The following GAREM1 variants were observed in gnomAD, a reference collection of about 807,000 sequenced individuals.
GAREM1 encodes the protein GRB2-associated and regulator of MAPK protein 1.
Under a neutral mutation model 71.3 loss-of-function variants are expected in GAREM1, and 26 were observed. The observed-to-expected ratio is 0.36, with a 90% CI of 0.27 to 0.51. The LOEUF (loss-of-function observed/expected upper bound fraction) is 0.51, where lower values mean the gene tolerates loss of function less well. Among genes scored for constraint, GAREM1 ranks in the 20% least tolerant of loss-of-function variants. The pLI is 0.95. For missense variants in GAREM1, 1,026 were observed against 1,103.1 expected (o/e 0.93, Z 0.99); for synonymous variants, 440 against 433.2 (o/e 1.02, Z -0.20).
In GAREM1 at chr18:32,466,713, C is replaced by T. The variant is rs74320674; in HGVS notation, c.121+3595G>A. Among the ~76,000 whole-genome samples, 1,164 of 152,272 alleles carry T rather than the reference C, an allele frequency of 7.6e-3. 35 individuals are homozygous for T. The highest frequency in any genetic ancestry group is 0.06 in the East Asian group (310 of 5,176). On this transcript the variant is annotated intron_variant, in intron 1 of 5. Coordinates refer to ENST00000269209, the MANE Select transcript of GAREM1 (RefSeq NM_001242409.2). ...GGATTAGTATTTTCTCCATCCTCTCCTTGGTCCTAAGCACATTTGCTGAAC... is the reference window on the plus strand; with the variant it reads ...GGATTAGTATTTTCTCCATCCTCTCTTTGGTCCTAAGCACATTTGCTGAAC...
In GAREM1 at chr18:32,265,420, C is replaced by G. The variant is rs1290790306; in HGVS notation, c.*2451G>C. The G allele has an allele frequency of 6.6e-6, 1 of 152,158 alleles. No homozygotes were observed. The highest frequency in any genetic ancestry group is 2.4e-5 in the African/African-American group (1 of 41,430). The allele number at this position is 152,158 out of a possible 1,614,324, so 9.4% of individuals were successfully genotyped here. The stretch of plus-strand genomic sequence containing the variant: ...CAGGACACACGTAATTCTCCATATA[C>G]CCAGCTGCCCATAGGACTTCACGTC... On this transcript the variant is annotated 3_prime_UTR_variant, in exon 6 of 6. Transcript: ENST00000269209.
chr18:32,307,807 G>C (rs1158913590), intron 3 of GAREM1, among the ~76,000 whole-genome samples: 2 of 152,214 alleles, frequency 1.3e-5, no homozygotes, highest in African/African-American at 4.8e-5. Context: ...ACAGGTGTGA[G>C]CCACTGTGCC....
In GAREM1 at chr18:32,299,330, T is replaced by C. The variant is rs199939833; in HGVS notation, c.393+10863A>G. Among the ~76,000 whole-genome samples the C allele has an allele frequency of 1.9e-3, 295 of 151,910 alleles. 10 individuals carry two copies. In the East Asian group the frequency reaches 0.045, roughly 23 times the overall value. On this transcript the variant is annotated intron_variant, in intron 3 of 5. Transcript: ENST00000269209. ...GAGATCGAGACCATCCTGGCTAACA[T>C]GGTGAAACCCTGTCTCTACTAAAAA...
rs1384849889 is a variant in GAREM1 at position 32,265,881 on chromosome 18, G to A, written c.*1990C>T. 6.6e-6 allele frequency: 1 copy of A among 152,048 alleles called. No homozygotes were observed. Among genetic ancestry groups the A allele is most frequent in the African/African-American group, 2.4e-5 (1 of 41,352 alleles). The allele number at this position is 152,048 out of a possible 1,614,324, so 9.4% of individuals were successfully genotyped here. Reference sequence around the variant, plus strand: ...GCAGCTTAGTAACTGCATCTTGTCTGTTTTTATTTTAAAAAGAAGTTCTGA... The same window carrying A: ...GCAGCTTAGTAACTGCATCTTGTCTATTTTTATTTTAAAAAGAAGTTCTGA... On this transcript the variant is annotated 3_prime_UTR_variant, in exon 6 of 6. Transcript: ENST00000269209.
intron 2 of GAREM1, among the ~76,000 whole-genome samples, chr18:32,365,637 C>A (rs750834288): frequency 6.6e-6 from 1 of 152,138 alleles, no homozygotes; most frequent in Admixed American, 6.5e-5. Context: ...CTCCCACTGG[C>A]CTGTTGCACC....
At chr18:32,295,638 T>C (rs889412045) in intron 3 of GAREM1, among the ~76,000 whole-genome samples, 1 of 152,240 alleles carries the variant, frequency 6.6e-6, no homozygotes, top group African/African-American at 2.4e-5. Context: ...CTCTGTATAA[T>C]TTTAATCTTT....
At chr18:32,342,231 T>C (rs2047654389) in intron 2 of GAREM1, among the ~76,000 whole-genome samples, 1 of 152,150 alleles carries the variant, frequency 6.6e-6, no homozygotes, top group South Asian at 2.1e-4. Context: ...GCATCTTGCT[T>C]GAGGTCTCGA....
intron 1 of GAREM1, among the ~76,000 whole-genome samples, chr18:32,427,922 G>A (rs984149524): frequency 6.6e-6 from 1 of 152,144 alleles, no homozygotes; most frequent in South Asian, 2.1e-4. Context: ...GGGAAAAAAA[G>A]GGGTCCTATG....
intron 2 of GAREM1, among the ~76,000 whole-genome samples, chr18:32,331,414 A>G (rs891927230): frequency 3.3e-5 from 5 of 152,230 alleles, no homozygotes; most frequent in African/African-American, 4.8e-5. Context: ...TTAAACTGTT[A>G]AATGTTAACA....
chr18:32,354,782 G>A (rs2144598157), intron 2 of GAREM1, among the ~76,000 whole-genome samples: 1 of 152,246 alleles, frequency 6.6e-6, no homozygotes, highest in African/African-American at 2.4e-5. Context: ...TTTATTGACT[G>A]TTTAAATGAA....
chr18:32,363,987 CATATATACAT>C (rs1156946755), intron 2 of GAREM1, among the ~76,000 whole-genome samples: 2 of 27,092 alleles, frequency 7.4e-5, no homozygotes, highest in Non-Finnish European at 1.4e-4. Context: ...TACATAAATA[CATATATACAT>C]ATATATATAT....
At chr18:32,383,549 C>G (rs1397177941) in intron 2 of GAREM1, among the ~76,000 whole-genome samples, 1 of 152,222 alleles carries the variant, frequency 6.6e-6, no homozygotes, top group Non-Finnish European at 1.5e-5. Flanking sequence ...AGGTACAAAT[C>G]CAATATGGAA....
intron 1 of GAREM1, among the ~76,000 whole-genome samples, chr18:32,465,444 C>G (rs2048990171): frequency 6.6e-6 from 1 of 152,060 alleles, no homozygotes; most frequent in Admixed American, 6.5e-5. Flanking sequence ...CCTCTGAGCA[C>G]AAAGTAAGGA....
At chr18:32,414,951 C>T (rs1465095640) in intron 1 of GAREM1, among the ~76,000 whole-genome samples, 4 of 151,646 alleles carry the variant, frequency 2.6e-5, no homozygotes, top group Admixed American at 6.6e-5. Flanking sequence ...ACAAAACTGA[C>T]AAACCTTTAG....
chr18:32,376,421 AT>A (rs1358576128), intron 2 of GAREM1, among the ~76,000 whole-genome samples: 1 of 152,262 alleles, frequency 6.6e-6, no homozygotes, highest in Non-Finnish European at 1.5e-5. Context: ...ATTAGTTATA[AT>A]CTTTTGTTCA....
chr18:32,351,346 T>C (rs958671081), intron 2 of GAREM1, among the ~76,000 whole-genome samples: 2 of 152,190 alleles, frequency 1.3e-5, no homozygotes, highest in Non-Finnish European at 2.9e-5. Flanking sequence ...CTCAAATTTA[T>C]CAGCAGAGAA....
At chr18:32,323,523 C>T (rs1357241762) in intron 2 of GAREM1, among the ~76,000 whole-genome samples, 73 of 152,116 alleles carry the variant, frequency 4.8e-4, no homozygotes, top group Non-Finnish European at 1.8e-4. Context: ...GCCAGGAGTT[C>T]GAGACCAGCC....
At chr18:32,293,653 G>C (rs572003026) in intron 3 of GAREM1, among the ~76,000 whole-genome samples, 55 of 152,208 alleles carry the variant, frequency 3.6e-4, no homozygotes, top group African/African-American at 1.3e-3. Flanking sequence ...GTTTGATTAA[G>C]GAGGTGATTA....
At chr18:32,417,394 G>T (rs2048475739) in intron 1 of GAREM1, among the ~76,000 whole-genome samples, 1 of 152,150 alleles carries the variant, frequency 6.6e-6, no homozygotes, top group Non-Finnish European at 1.5e-5. Context: ...AAGGAAATCA[G>T]TATAACAAGG....
Sources: allele counts gnomAD v4.1 joint callset (sites outside exome capture counted in the v4.1 genomes callset), GRCh38; gene constraint gnomAD v4.1.1; transcripts MANE v1.5; gene names NCBI Gene and HGNC (gene_info 2026-07-23, HGNC 2026-07-21).